APOL3: variants seen among roughly 807,000 people sequenced by gnomAD.
APOL3 encodes the protein TNF-inducible protein CG12-1.
APOL3 carries 14 observed loss-of-function variants against 11.6 expected under a neutral mutation model. The observed-to-expected ratio is 1.21, with a 90% CI of 0.80 to 1.89. APOL3 has a LOEUF of 1.89. Ranked by LOEUF, APOL3 falls within the 40% of genes most tolerant of loss-of-function variation. The probability of loss-of-function intolerance (pLI) is 0.00; values close to 1 mark genes in which losing one functional copy is unlikely to be tolerated. For synonymous variants in APOL3, 192 were observed against 190.6 expected, an observed-to-expected ratio of 1.01 and a Z score of -0.06; for missense variants, 483 against 492.1, an observed-to-expected ratio of 0.98 and a Z score of 0.17.
At chr22:36,165,616 G>A (rs1426877628), upstream of APOL3, 1 of 152,030 alleles carries the variant, frequency 6.6e-6, no homozygotes, top group East Asian at 1.9e-4. Context: ...AGGTTGTTTT[G>A]TTTCTTCCCA....
At chr22:36,142,013 T>C in exon 3 of APOL3, 12 of 1,614,136 alleles carry the variant, frequency 7.4e-6, no homozygotes, top group Non-Finnish European at 1.0e-5. Context: ...TAGCTGCATA[T>C]GTTCTAAGCT....
At chr22:36,146,590 C>G (rs1218515114) in intron 1 of APOL3, among the ~76,000 whole-genome samples, 3 of 151,340 alleles carry the variant, frequency 2.0e-5, no homozygotes, top group African/African-American at 7.3e-5. Flanking sequence ...TATATATACC[C>G]TTATGTAAAT....
At chr22:36,160,676 G>A (rs774539593) in exon 1 of APOL3, 5 of 1,614,050 alleles carry the variant, frequency 3.1e-6, no homozygotes, top group Admixed American at 1.7e-5. Context: ...TACCAAGGAA[G>A]CTTCTCTTGA....
intron 1 of APOL3, chr22:36,149,665 A>G: frequency 2.8e-6 from 1 of 360,384 alleles, no homozygotes; most frequent in Non-Finnish European, 5.4e-6. Flanking sequence ...CAACCTTGCC[A>G]TGTTTTCACA....
chr22:36,143,621 G>A (rs1217291889), intron 2 of APOL3, among the ~76,000 whole-genome samples: 1 of 152,130 alleles, frequency 6.6e-6, no homozygotes, highest in Non-Finnish European at 1.5e-5. Context: ...GAAGGCCACT[G>A]GGTCCAGCCA....
In APOL3 at chr22:36,160,307, C is replaced by T. The variant is rs544538950; in HGVS notation, c.223+362G>A. Among the ~76,000 whole-genome samples the T allele has an allele frequency of 5.9e-5, 9 of 152,326 alleles. No homozygotes were observed. The East Asian group carries it at 1.7e-3, about 29-fold the overall frequency. On this transcript the variant is annotated intron_variant, in intron 1 of 2. Coordinates refer to ENST00000349314, the Ensembl canonical transcript of APOL3. ...GCCAGGCTCTGGATCACCTCCTGTC[C>T]TCCACCTTCTCTGGTTCCTCCAAAT... is the stretch of plus-strand genomic sequence containing the variant.
Position 36,150,891 on chromosome 22 carries a change from A to G in APOL3, c.224-5292T>C, listed in dbSNP as rs532196223. On this transcript the variant is annotated intron_variant, in intron 1 of 2. Transcript: ENST00000349314. ...AGACTGGGACTCTGTCTCAAAAAAT[A>G]TATACATATGAAAATTTGAATGAGG... 4.6e-5 allele frequency among the ~76,000 whole-genome samples: 7 copies of G among 152,304 alleles called. No individual in the cohort carries two copies. The South Asian group carries it at 1.2e-3, about 27-fold the overall frequency.
intron 2 of APOL3, among the ~76,000 whole-genome samples, 166 bp downstream of exon 3, chr22:36,145,307 C>T (rs1024024295): frequency 1.3e-5 from 2 of 152,200 alleles, no homozygotes; most frequent in East Asian, 1.9e-4. Flanking sequence ...TCACTGCCAG[C>T]GAAGGACTTG....
intron 1 of APOL3, among the ~76,000 whole-genome samples, chr22:36,155,457 G>A (rs1037130008): frequency 3.3e-5 from 5 of 152,130 alleles, no homozygotes; most frequent in Admixed American, 1.3e-4. Context: ...TTGCATCCAG[G>A]TGTCTATTGT....
intron 1 of APOL3, among the ~76,000 whole-genome samples, chr22:36,153,618 A>G (rs1388506686): frequency 6.6e-6 from 1 of 152,204 alleles, no homozygotes; most frequent in Non-Finnish European, 1.5e-5. Flanking sequence ...GATATGTGTT[A>G]CCCCAGAAAG....
At chr22:36,155,396 C>A (rs117944495) in intron 1 of APOL3, among the ~76,000 whole-genome samples, 1 of 152,146 alleles carries the variant, frequency 6.6e-6, no homozygotes, top group Non-Finnish European at 1.5e-5. Flanking sequence ...GCATCCTCAT[C>A]GAAAGCCTCT....
At chr22:36,149,876 C>T (rs1284912973) in intron 1 of APOL3, 1 of 456,264 alleles carries the variant, frequency 2.2e-6, no homozygotes, top group Non-Finnish European at 4.4e-6. Flanking sequence ...CCCTTTGTCC[C>T]CCTTGCTTCT....
chr22:36,156,542 C>T (rs1179180138), intron 1 of APOL3, among the ~76,000 whole-genome samples: 1 of 152,164 alleles, frequency 6.6e-6, no homozygotes, highest in African/African-American at 2.4e-5. Context: ...TCCCTGCCTC[C>T]CAGAGCCCAT....
Position 36,142,114 on chromosome 22 carries a change from A to G in APOL3, c.351-56T>C, listed in dbSNP as rs2060019866. ...AGGCAGCTTACTTATCTGTAAAATCAGCTCAATAAGATCTGTTCTACATAA... is the reference window on the plus strand; with the variant it reads ...AGGCAGCTTACTTATCTGTAAAATCGGCTCAATAAGATCTGTTCTACATAA... On this transcript the variant is annotated intron_variant, in intron 2 of 2. Transcript: ENST00000349314. 3.3e-6 allele frequency: 5 copies of G among 1,523,634 alleles called. No homozygotes were observed. In the African/African-American group the frequency reaches 6.9e-5, roughly 21 times the overall value. The allele number at this position is 1,523,634 out of a possible 1,614,324, so 94.4% of individuals were successfully genotyped here. A position where few individuals can be genotyped will look rare whatever the true frequency, so the allele number is the denominator to read the frequency against.
chr22:36,156,564 A>G (rs2012892490), intron 1 of APOL3, among the ~76,000 whole-genome samples: 1 of 148,678 alleles, frequency 6.7e-6, no homozygotes, highest in Admixed American at 6.7e-5. Flanking sequence ...TACTCCCCCC[A>G]CTCCCATTCC....
Position 36,141,613 on chromosome 22 carries a change from A to G in APOL3, c.796T>C (p.Phe266Leu), listed in dbSNP as rs766338198. ...GTGATGTCACGCATAACTTCCTTAA[A>G]TACCTTCAATCGGTCAATGCTGGTT... The change falls in exon 3 of 3, where the codon TTT becomes CTT. Residue 266 changes from phenylalanine to leucine, a missense_variant. Coordinates refer to ENST00000349314, the Ensembl canonical transcript of APOL3. 4.3e-6 allele frequency: 7 copies of G among 1,614,190 alleles called. No individual in the cohort carries two copies. In the South Asian group the frequency reaches 6.6e-5, roughly 15 times the overall value.
intron 1 of APOL3, 21 bp from the exon 2 acceptor site, chr22:36,149,163 T>C (rs772482616): frequency 1.6e-5 from 22 of 1,356,960 alleles, no homozygotes; most frequent in Non-Finnish European, 2.1e-5. Context: ...AGAAAGCAAA[T>C]TGTGGGACTG....
chr22:36,146,063 A>T (rs1161043686), intron 1 of APOL3: 1 of 152,180 alleles, frequency 6.6e-6, no homozygotes, highest in South Asian at 2.1e-4. Context: ...AGGCCATGTG[A>T]GGACACAGCC....
intron 1 of APOL3, 93 bp downstream of exon 1, chr22:36,160,576 T>C: frequency 7.4e-7 from 1 of 1,353,594 alleles, no homozygotes; most frequent in Non-Finnish European, 1.0e-6. Flanking sequence ...ACCTAACCTC[T>C]CTGAGCTCAT....
Sources: gnomAD v4.1 joint callset for allele counts (sites outside exome capture counted in the v4.1 genomes callset) on GRCh38, gnomAD v4.1.1 for gene constraint, MANE v1.5 for transcripts, NCBI Gene and HGNC (gene_info 2026-07-23, HGNC 2026-07-21) for gene names.